The following GALNT13 variants were observed in gnomAD, a reference collection of about 807,000 sequenced individuals.
The protein encoded by GALNT13 is UDP-GalNAc:polypeptide N-acetylgalactosaminyltransferase 13.
GALNT13 carries 28 observed loss-of-function variants against 64.2 expected under a neutral mutation model. The observed-to-expected ratio is 0.44, with a 90% CI of 0.32 to 0.60. The LOEUF (loss-of-function observed/expected upper bound fraction) is 0.60, where lower values mean the gene tolerates loss of function less well. GALNT13 is among the 20% of genes least tolerant of loss of function. The probability of loss-of-function intolerance (pLI) is 0.05; values close to 1 mark genes in which losing one functional copy is unlikely to be tolerated. For synonymous variants in GALNT13, 214 were observed against 224.6 expected (o/e 0.95, Z 0.42); for missense variants, 577 against 669.8 (o/e 0.86, Z 1.53).
chr2:154,031,871 T>G (rs963793947), intron 3 of GALNT13, among the ~76,000 whole-genome samples: 4 of 151,736 alleles, frequency 2.6e-5, no homozygotes, highest in Non-Finnish European at 5.9e-5. Context: ...AGGAAATGAG[T>G]AAGTATAAAG....
At chr2:154,359,375 G>C (rs799815) in intron 9 of GALNT13, among the ~76,000 whole-genome samples, 51,799 of 151,962 alleles carry the variant, frequency 0.34, 9,160 homozygotes, top group African/African-American at 0.42. Flanking sequence ...AGCCAAGAGT[G>C]AGCAGGTGGG....
chr2:153,082,281 G>A, the GALNT13 span, among the ~76,000 whole-genome samples: 13 of 152,040 alleles, frequency 8.6e-5, no homozygotes, highest in Non-Finnish European at 1.0e-4. Flanking sequence ...ACTGTACTCA[G>A]TGTGTACTCT....
chr2:153,223,512 A>T, the GALNT13 span, among the ~76,000 whole-genome samples: 1 of 152,240 alleles, frequency 6.6e-6, no homozygotes, highest in African/African-American at 2.4e-5. Context: ...TAAACTAGAG[A>T]ACAATGAACA....
intron 7 of GALNT13, among the ~76,000 whole-genome samples, chr2:154,251,843 A>C (rs1690086341): frequency 6.6e-6 from 1 of 152,210 alleles, no homozygotes; most frequent in Non-Finnish European, 1.5e-5. Flanking sequence ...TAAGGAAGAA[A>C]GGAGAGAAAC....
chr2:154,269,201 T>C (rs1028153081), intron 8 of GALNT13, among the ~76,000 whole-genome samples: 3 of 152,114 alleles, frequency 2.0e-5, no homozygotes, highest in East Asian at 3.9e-4. Context: ...TAGGGGCTTA[T>C]AGTATCCAGA....
At chr2:154,351,661 C>T (rs148686217) in intron 9 of GALNT13, among the ~76,000 whole-genome samples, 21,431 of 123,692 alleles carry the variant, frequency 0.17, 2,015 homozygotes, top group Admixed American at 0.25. Context: ...CCAGCCTGGG[C>T]GACAAAGCGA....
chr2:154,236,543 A>G (rs1294608959), intron 4 of GALNT13, among the ~76,000 whole-genome samples: 1 of 152,114 alleles, frequency 6.6e-6, no homozygotes. Context: ...TGCAAGTATT[A>G]CAAATTCAGC....
At chr2:153,155,510 A>G in the GALNT13 span, among the ~76,000 whole-genome samples, 2 of 152,172 alleles carry the variant, frequency 1.3e-5, no homozygotes, top group African/African-American at 2.4e-5. Context: ...TTATGTACAT[A>G]GAAGTGTTCA....
intron 9 of GALNT13, among the ~76,000 whole-genome samples, chr2:154,387,485 G>A (rs1408526248): frequency 6.6e-6 from 1 of 152,024 alleles, no homozygotes; most frequent in Non-Finnish European, 1.5e-5. Flanking sequence ...ATGCATCGTT[G>A]TTGACTATAG....
chr2:153,674,447 G>C, the GALNT13 span, among the ~76,000 whole-genome samples: 3 of 152,150 alleles, frequency 2.0e-5, no homozygotes, highest in South Asian at 6.2e-4. Context: ...AAAAGCAATG[G>C]AGAAAGGATT....
intron 3 of GALNT13, among the ~76,000 whole-genome samples, chr2:153,964,287 A>G (rs1203692052): frequency 6.6e-6 from 1 of 152,136 alleles, no homozygotes; most frequent in Non-Finnish European, 1.5e-5. Context: ...CATCTCTACA[A>G]AAAATACAAA....
At chr2:153,626,170 A>C in the GALNT13 span, among the ~76,000 whole-genome samples, 1 of 152,136 alleles carries the variant, frequency 6.6e-6, no homozygotes, top group Non-Finnish European at 1.5e-5. Context: ...ACAGACAAGA[A>C]GCTTTGTCCA....
chr2:153,365,554 A>C, the GALNT13 span, among the ~76,000 whole-genome samples: 1 of 152,190 alleles, frequency 6.6e-6, no homozygotes, highest in Non-Finnish European at 1.5e-5. Context: ...CAAGAAAAAA[A>C]CAAATGGCCC....
the GALNT13 span, among the ~76,000 whole-genome samples, chr2:153,531,216 G>T: frequency 6.6e-6 from 1 of 152,096 alleles, no homozygotes; most frequent in East Asian, 1.9e-4. Context: ...GATTTAATTG[G>T]CTCACAGTTC....
chr2:154,330,420 T>C (rs1267525088), intron 9 of GALNT13, among the ~76,000 whole-genome samples: 1 of 152,120 alleles, frequency 6.6e-6, no homozygotes. Context: ...CAAATATAAG[T>C]GTTCTCATGT....
At chr2:153,727,535 G>A in the GALNT13 span, among the ~76,000 whole-genome samples, 2 of 152,284 alleles carry the variant, frequency 1.3e-5, no homozygotes, top group Non-Finnish European at 1.5e-5. Context: ...AGTAGCAACT[G>A]TCAAAGAGTC....
chr2:154,189,472 CAAAAA>C (rs35557058), intron 4 of GALNT13, among the ~76,000 whole-genome samples: 1 of 81,410 alleles, frequency 1.2e-5, no homozygotes, highest in Non-Finnish European at 2.4e-5. Flanking sequence ...ACGTGCACAC[CAAAAA>C]AAAAAAAAAA....
the GALNT13 span, among the ~76,000 whole-genome samples, chr2:153,787,481 A>C: frequency 1.4e-3 from 213 of 152,310 alleles, no homozygotes; most frequent in Admixed American, 2.5e-3. Flanking sequence ...AAATACCCAC[A>C]TTCAGAGATG....
the GALNT13 span, among the ~76,000 whole-genome samples, chr2:153,836,762 G>T: frequency 6.6e-6 from 1 of 150,518 alleles, no homozygotes. Context: ...GCGGTGTTTG[G>T]TTTTTTGTCC....
Sources: gnomAD v4.1 joint callset for allele counts (sites outside exome capture counted in the v4.1 genomes callset) on GRCh38, gnomAD v4.1.1 for gene constraint, MANE v1.5 for transcripts, NCBI Gene and HGNC (gene_info 2026-07-23, HGNC 2026-07-21) for gene names.